CARMIL1: variants seen among roughly 807,000 people sequenced by gnomAD.
The protein encoded by CARMIL1 is F-actin-uncapping protein LRRC16A.
CARMIL1 carries 90 observed loss-of-function variants against 177.1 expected under a neutral mutation model. That is an observed-to-expected ratio of 0.51 (90% CI 0.43 to 0.61). The LOEUF (loss-of-function observed/expected upper bound fraction) is 0.61, where lower values mean the gene tolerates loss of function less well. Among genes scored for constraint, CARMIL1 ranks in the 20% least tolerant of loss-of-function variants. The pLI is 0.00. For synonymous variants in CARMIL1, 577 were observed against 606.2 expected (o/e 0.95, Z 0.71); for missense variants, 1,380 against 1,667.0 (o/e 0.83, Z 3.00).
intron 24 of CARMIL1, among the ~76,000 whole-genome samples, chr6:25,533,114 C>G (rs1019088538): frequency 1.3e-5 from 2 of 152,156 alleles, no homozygotes; most frequent in Admixed American, 6.5e-5. Context: ...TATTCTCTTT[C>G]CTCTTTCATG....
At chr6:25,479,044 T>C (rs890009097) in intron 11 of CARMIL1, 1 of 505,606 alleles carries the variant, frequency 2.0e-6, no homozygotes, top group Non-Finnish European at 3.9e-6. Flanking sequence ...ACCTGTGCTC[T>C]GACATCCACA....
Position 25,554,579 on chromosome 6 carries a change from TA to T in CARMIL1, c.2592+493del, listed in dbSNP as rs571237418. On this transcript the variant is annotated intron_variant, in intron 28 of 36. Transcript: ENST00000329474. The surrounding 1 kb of genome is among the most constrained non-coding windows in gnomAD (Gnocchi z 4.6). ...ACAGGTGCCTTGGATATAACCAAGG[TA>T]AAAAAAAAATTTCTTCATCTAGAGA... Among the ~76,000 whole-genome samples the T allele has an allele frequency of 5.3e-5, 8 of 150,696 alleles. No homozygotes were observed. The highest frequency in any genetic ancestry group is 6.6e-5 in the Admixed American group (1 of 15,094).
intron 24 of CARMIL1, among the ~76,000 whole-genome samples, chr6:25,533,001 A>G (rs918077520): frequency 5.3e-5 from 8 of 152,186 alleles, no homozygotes; most frequent in Non-Finnish European, 7.4e-5. Flanking sequence ...TCTTCTCTTT[A>G]GCCTTCTCAC....
intron 23 of CARMIL1, among the ~76,000 whole-genome samples, chr6:25,524,509 T>A (rs538798825): frequency 6.6e-6 from 1 of 152,158 alleles, no homozygotes; most frequent in African/African-American, 2.4e-5. Flanking sequence ...AGTTAACATA[T>A]AAAACCTCAC....
intron 2 of CARMIL1, among the ~76,000 whole-genome samples, chr6:25,405,352 T>C (rs1794267395): frequency 6.6e-6 from 1 of 152,232 alleles, no homozygotes; most frequent in African/African-American, 2.4e-5. Flanking sequence ...TGGTGATTTG[T>C]ATACCTCATA....
chr6:25,353,113 G>T (rs541192739), intron 2 of CARMIL1, among the ~76,000 whole-genome samples: 21 of 152,248 alleles, frequency 1.4e-4, no homozygotes, highest in Admixed American at 1.2e-3. Flanking sequence ...TATGACAGCT[G>T]CTCTCTAGTA....
chr6:25,587,053 G>T (rs934847046), intron 31 of CARMIL1, among the ~76,000 whole-genome samples: 1 of 139,908 alleles, frequency 7.1e-6, no homozygotes, highest in Non-Finnish European at 1.6e-5. Flanking sequence ...GAGGGAGGGG[G>T]AGGGGGAGGG....
At chr6:25,380,540 C>T (rs2061429386) in intron 2 of CARMIL1, among the ~76,000 whole-genome samples, 2 of 152,240 alleles carry the variant, frequency 1.3e-5, no homozygotes, top group South Asian at 2.1e-4. Flanking sequence ...TGGAAAATTA[C>T]AGGAATTACA....
At chr6:25,588,306 G>A (rs187183506) in intron 31 of CARMIL1, among the ~76,000 whole-genome samples, 1 of 152,206 alleles carries the variant, frequency 6.6e-6, no homozygotes, top group African/African-American at 2.4e-5. Flanking sequence ...CTGATATTTT[G>A]GAGTTTATTT....
At chr6:25,596,951 TTGTC>T (rs768406004) in intron 32 of CARMIL1, among the ~76,000 whole-genome samples, 25 of 151,004 alleles carry the variant, frequency 1.7e-4, no homozygotes, top group East Asian at 7.8e-4. Context: ...ATTGGTGTCT[TTGTC>T]TGTTTTCTGT....
chr6:25,310,117 A>C (rs1783671073), intron 2 of CARMIL1, among the ~76,000 whole-genome samples: 1 of 151,956 alleles, frequency 6.6e-6, no homozygotes. Context: ...GGTTGTTTCC[A>C]CCTTCTCACT....
At chr6:25,337,750 T>A (rs1007651250) in intron 2 of CARMIL1, among the ~76,000 whole-genome samples, 1 of 152,250 alleles carries the variant, frequency 6.6e-6, no homozygotes, top group Non-Finnish European at 1.5e-5. Flanking sequence ...AATGAAGTAC[T>A]AGAAAATGTT....
intron 2 of CARMIL1, among the ~76,000 whole-genome samples, chr6:25,311,805 G>A (rs1387746697): frequency 6.6e-6 from 1 of 152,056 alleles, no homozygotes; most frequent in African/African-American, 2.4e-5. Context: ...GATCTTAGAG[G>A]GCCAGGGGAT....
intron 36 of CARMIL1, 74 bp from the exon 37 acceptor site, chr6:25,619,373 A>C: frequency 6.8e-7 from 1 of 1,463,642 alleles, no homozygotes; most frequent in Non-Finnish European, 9.2e-7. Flanking sequence ...AGGCTACTGC[A>C]TCTCAGCCCA....
rs113197331 is a variant in CARMIL1, at chr6:25,318,451, TG to T, written c.138+33546del. Among the ~76,000 whole-genome samples, 1,353 of 152,274 alleles carry T rather than the reference TG, an allele frequency of 8.9e-3. 19 individuals are homozygous for T. Among genetic ancestry groups the T allele is most frequent in the African/African-American group, 0.028 (1,155 of 41,546 alleles). The stretch of plus-strand genomic sequence containing the variant: ...AGTTTTTGATATTTTTTCTTGTATA[TG>T]GGGAGCTTGATAAACTAAGCCTTGG... On this transcript the variant is annotated intron_variant, in intron 2 of 36. Transcript: ENST00000329474.
chr6:25,331,507 G>C (rs922286596), intron 2 of CARMIL1, among the ~76,000 whole-genome samples: 3 of 152,182 alleles, frequency 2.0e-5, no homozygotes, highest in Non-Finnish European at 2.9e-5. Context: ...TCCATTGTCT[G>C]TACAGCTGCC....
At chr6:25,416,891 G>T (rs1471139181) in intron 2 of CARMIL1, among the ~76,000 whole-genome samples, 1 of 152,150 alleles carries the variant, frequency 6.6e-6, no homozygotes, top group East Asian at 1.9e-4. Context: ...TCTATGCAGA[G>T]GTTTTGTGGA....
At chr6:25,385,763 G>T (rs1001382932) in intron 2 of CARMIL1, among the ~76,000 whole-genome samples, 4 of 152,166 alleles carry the variant, frequency 2.6e-5, no homozygotes, top group Non-Finnish European at 4.4e-5. Context: ...GTGCAAATTA[G>T]TAAGGCTTCA....
At chr6:25,378,620 C>T (rs945289427) in intron 2 of CARMIL1, among the ~76,000 whole-genome samples, 1 of 152,136 alleles carries the variant, frequency 6.6e-6, no homozygotes, top group Admixed American at 6.5e-5. Flanking sequence ...ATACTCCCCA[C>T]GGCTCACTGA....
Sources: allele counts gnomAD v4.1 joint callset (sites outside exome capture counted in the v4.1 genomes callset), GRCh38; gene constraint gnomAD v4.1.1; non-coding constraint Gnocchi (gnomAD v3.1); transcripts MANE v1.5; gene names NCBI Gene and HGNC (gene_info 2026-07-23, HGNC 2026-07-21).